Variants in ATRNL1 observed in about 807,000 individuals in gnomAD.
ATRNL1 encodes attractin like 1.
Under a neutral mutation model 182.7 loss-of-function variants are expected in ATRNL1, and 95 were observed. The observed-to-expected ratio is 0.52, with a 90% confidence interval of 0.44 to 0.62. The LOEUF is 0.62. Ranked by LOEUF, ATRNL1 falls within the 20% of genes least tolerant of loss-of-function variation. The probability of loss-of-function intolerance (pLI) is 0.00; values close to 1 mark genes in which losing one functional copy is unlikely to be tolerated. For missense variants in ATRNL1, 1,471 were observed against 1,679.5 expected, an observed-to-expected ratio of 0.88 and a Z score of 2.17; for synonymous variants, 576 against 568.3, an observed-to-expected ratio of 1.01 and a Z score of -0.19.
intron 8 of ATRNL1, among the ~76,000 whole-genome samples, chr10:115,189,382 T>G (rs1487176460): frequency 2.6e-5 from 4 of 152,052 alleles, no homozygotes; most frequent in African/African-American, 9.7e-5. Flanking sequence ...GCAGGAGGTA[T>G]TCCAGAAGAA....
At chr10:115,473,002 G>C (rs1848375215) in intron 24 of ATRNL1, among the ~76,000 whole-genome samples, 1 of 151,124 alleles carries the variant, frequency 6.6e-6, no homozygotes, top group Non-Finnish European at 1.5e-5. Context: ...TTATTGTGTT[G>C]AGGTACATTC....
intron 8 of ATRNL1, among the ~76,000 whole-genome samples, chr10:115,207,388 G>C (rs1431901275): frequency 6.6e-6 from 1 of 152,016 alleles, no homozygotes; most frequent in Non-Finnish European, 1.5e-5. Context: ...GTTCTAACTG[G>C]CATGAGATGG....
At chr10:115,437,631 G>T (rs1057402936) in intron 21 of ATRNL1, among the ~76,000 whole-genome samples, 1 of 151,888 alleles carries the variant, frequency 6.6e-6, no homozygotes, top group African/African-American at 2.4e-5. Context: ...CGATATTGTT[G>T]TCAAAGTCTG....
At chr10:115,842,954 A>G (rs1476584572) in intron 27 of ATRNL1, among the ~76,000 whole-genome samples, 1 of 152,096 alleles carries the variant, frequency 6.6e-6, no homozygotes, top group East Asian at 1.9e-4. Flanking sequence ...AGCACTTGGC[A>G]TCTAGTAAGT....
At chr10:115,599,358 G>A (rs1555015249) in intron 26 of ATRNL1, among the ~76,000 whole-genome samples, 2 of 152,136 alleles carry the variant, frequency 1.3e-5, no homozygotes, top group East Asian at 3.8e-4. Context: ...CATGAAAAAG[G>A]CAGCTAAATG....
chr10:115,503,977 A>G (rs1420439710), intron 24 of ATRNL1, among the ~76,000 whole-genome samples: 1 of 151,868 alleles, frequency 6.6e-6, no homozygotes, highest in Non-Finnish European at 1.5e-5. Flanking sequence ...TTTGAATTAG[A>G]CAAAATTTGT....
At chr10:115,270,595 A>G (rs1183533883) in intron 13 of ATRNL1, among the ~76,000 whole-genome samples, 3 of 151,886 alleles carry the variant, frequency 2.0e-5, no homozygotes, top group African/African-American at 7.3e-5. Context: ...TGGAGGCTTG[A>G]GAACCAGGAG....
intron 25 of ATRNL1, among the ~76,000 whole-genome samples, chr10:115,536,746 C>T (rs1202293210): frequency 6.6e-6 from 1 of 152,178 alleles, no homozygotes; most frequent in Non-Finnish European, 1.5e-5. Context: ...TCCTATTCAG[C>T]CATCTTGGCT....
rs560420311 is a variant in ATRNL1, at chr10:115,376,928, T to A, written c.3176-17731T>A. Among the ~76,000 whole-genome samples, 8 of 152,276 alleles carry A rather than the reference T, an allele frequency of 5.3e-5. No individual in the cohort carries two copies. The South Asian group carries it at 1.7e-3, about 32-fold the overall frequency. On this transcript the variant is annotated intron_variant, in intron 19 of 28. Transcript: ENST00000355044. ...AAGAATCATTTTTTGTTTTTCTAAC[T>A]GGTTAATTTCAAATGATCTATCTCT... is the stretch of plus-strand genomic sequence containing the variant.
chr10:115,905,324 G>A (rs782773732), intron 28 of ATRNL1, among the ~76,000 whole-genome samples: 10 of 151,706 alleles, frequency 6.6e-5, no homozygotes, highest in East Asian at 1.9e-4. Context: ...AGGCTCAAGC[G>A]ATCCTCGTAC....
intron 24 of ATRNL1, among the ~76,000 whole-genome samples, chr10:115,513,988 A>G (rs1592766944): frequency 1.3e-5 from 2 of 151,914 alleles, no homozygotes; most frequent in Non-Finnish European, 2.9e-5. Context: ...CCCTTGCATC[A>G]GTTTTTAAGA....
chr10:115,737,276 C>G (rs1387283375), intron 27 of ATRNL1, among the ~76,000 whole-genome samples: 3 of 150,032 alleles, frequency 2.0e-5, no homozygotes, highest in African/African-American at 4.9e-5. Flanking sequence ...ACATCCCCCC[C>G]CCCCAAAAAA....
At chr10:115,240,030 G>A (rs1554902479) in intron 9 of ATRNL1, among the ~76,000 whole-genome samples, 1 of 152,136 alleles carries the variant, frequency 6.6e-6, no homozygotes, top group East Asian at 1.9e-4. Flanking sequence ...TTTTGTGTGT[G>A]TGAGGCAGGC....
intron 18 of ATRNL1, among the ~76,000 whole-genome samples, chr10:115,331,528 T>C (rs1554935086): frequency 6.6e-6 from 1 of 152,262 alleles, no homozygotes; most frequent in South Asian, 2.1e-4. Flanking sequence ...ATTTTAATTC[T>C]TTGATTGCCT....
chr10:115,363,672 G>A lies in ATRNL1; in HGVS notation c.3175+29253G>A, dbSNP rs1424241133. Among the ~76,000 whole-genome samples the A allele has an allele frequency of 1.6e-4, 24 of 152,132 alleles. No homozygotes were observed. The East Asian group carries it at 1.7e-3, about 11-fold the overall frequency. On this transcript the variant is annotated intron_variant, in intron 19 of 28. Transcript: ENST00000355044. ...TTTAGGTCTAACGTTTAAGTCTTTA[G>A]TCCATCTTCAATTGATTTTTGTATA...
chr10:115,696,145 G>A (rs1477485634), intron 26 of ATRNL1, among the ~76,000 whole-genome samples: 1 of 152,086 alleles, frequency 6.6e-6, no homozygotes, highest in Non-Finnish European at 1.5e-5. Flanking sequence ...TGATCCGCCT[G>A]CCTTGGCCTC....
chr10:115,435,230 A>G (rs1846350254), intron 21 of ATRNL1, among the ~76,000 whole-genome samples: 1 of 152,026 alleles, frequency 6.6e-6, no homozygotes, highest in Non-Finnish European at 1.5e-5. Context: ...CGTGTTAGCC[A>G]GGATGGTCTT....
At chr10:115,943,442 AG>A (rs1953787475) in intron 28 of ATRNL1, among the ~76,000 whole-genome samples, 1 of 152,200 alleles carries the variant, frequency 6.6e-6, no homozygotes, top group South Asian at 2.1e-4. Flanking sequence ...ATATGTCATT[AG>A]AGAATTGCAA....
intron 19 of ATRNL1, among the ~76,000 whole-genome samples, chr10:115,374,991 T>G (rs1554949119): frequency 6.6e-6 from 1 of 151,840 alleles, no homozygotes; most frequent in Non-Finnish European, 1.5e-5. Context: ...GGTTCATTGA[T>G]ATAAAGTGTA....
Sources: gnomAD v4.1 joint callset for allele counts (sites outside exome capture counted in the v4.1 genomes callset) on GRCh38, gnomAD v4.1.1 for gene constraint, MANE v1.5 for transcripts, NCBI Gene and HGNC (gene_info 2026-07-23, HGNC 2026-07-21) for gene names.